The following MMP24 variants were observed in gnomAD, a reference collection of about 807,000 sequenced individuals.
The protein encoded by MMP24 is matrix metalloproteinase-24.
Under a neutral mutation model 62.8 loss-of-function variants are expected in MMP24, and 25 were observed. That is an observed-to-expected ratio of 0.40 (90% CI 0.29 to 0.56). The LOEUF is 0.56. Ranked by LOEUF, MMP24 falls within the 20% of genes least tolerant of loss-of-function variation. The pLI is 0.50. For missense variants in MMP24, 634 were observed against 853.6 expected (o/e 0.74, Z 3.21); for synonymous variants, 319 against 350.5 (o/e 0.91, Z 1.00).
At chr20:35,251,480 AG>A (rs1208143297) in intron 2 of MMP24, among the ~76,000 whole-genome samples, 3 of 152,140 alleles carry the variant, frequency 2.0e-5, no homozygotes, top group Admixed American at 1.3e-4. Context: ...GCTTTTAACC[AG>A]GGCATCCTGT....
intron 5 of MMP24, among the ~76,000 whole-genome samples, chr20:35,264,707 C>CA (rs57309455): frequency 0.069 from 3,021 of 43,602 alleles, 500 homozygotes; most frequent in Middle Eastern, 0.13. Flanking sequence ...GACTCCGTCT[C>CA]AAAAAAAAAA....
chr20:35,264,905 C>T (rs1294668106), intron 5 of MMP24, among the ~76,000 whole-genome samples: 1 of 152,082 alleles, frequency 6.6e-6, no homozygotes, highest in Non-Finnish European at 1.5e-5. Flanking sequence ...CTTGTCAAGA[C>T]AGCACAGGCA....
Position 35,226,916 on chromosome 20 carries a change from G to C in MMP24, c.178G>C (p.Gly60Arg). 1.0e-6 allele frequency: 1 copy of C among 981,060 alleles called. No homozygotes were observed. The highest frequency in any genetic ancestry group is 1.2e-6 in the Non-Finnish European group (1 of 828,728). 60.8% of individuals were successfully genotyped at this position (981,060 alleles called of 1,614,324 possible). A position where few individuals can be genotyped will look rare whatever the true frequency, so the allele number is the denominator to read the frequency against. Residue 60 changes from glycine to arginine, a missense_variant, in exon 1 of 9, where the codon GGG becomes CGG. Physicochemically the swap from Gly to Arg is moderately radical, Grantham distance 125. This residue lies in a region of MMP24 where 212 missense variants were observed against 259.6 expected (regional missense o/e 0.82). Transcript: ENST00000246186. ...ARAAAAAAGAGNRAAVAVAVA... is the reference protein window; with the variant it reads ...ARAAAAAAGARNRAAVAVAVA... ...GGCGGCGGCGGCGGCGGCGGGGGCA[G>C]GGAACCGGGCAGCGGTGGCGGTGGC...
chr20:35,238,272 T>C (rs1404209416), intron 1 of MMP24, among the ~76,000 whole-genome samples: 1 of 152,204 alleles, frequency 6.6e-6, no homozygotes, highest in Admixed American at 6.5e-5. Context: ...TGGCAGGCCC[T>C]GTGCTAGCTG....
At position 35,275,956 on chromosome 20, in the gene MMP24, C is replaced by A. The variant is rs1394299611; in HGVS notation, c.*1347C>A. 1 of 398,524 alleles carries A rather than the reference C, an allele frequency of 2.5e-6. No individual in the cohort carries two copies. The highest frequency in any genetic ancestry group is 2.1e-5 in the African/African-American group (1 of 48,628). 24.7% of individuals were successfully genotyped at this position (398,524 alleles called of 1,614,324 possible). A position where few individuals can be genotyped will look rare whatever the true frequency, so the allele number is the denominator to read the frequency against. ...TGGCCTGCCTTGCTCCACAGTACGG[C>A]GGAGGCAGCCCTGCTTGTCACTGAG... On this transcript the variant is annotated 3_prime_UTR_variant, in exon 9 of 9. Coordinates refer to ENST00000246186, the MANE Select transcript of MMP24 (RefSeq NM_006690.4).
At chr20:35,270,850 A>G (rs1219615766) in intron 7 of MMP24, among the ~76,000 whole-genome samples, 1 of 152,044 alleles carries the variant, frequency 6.6e-6, no homozygotes, top group African/African-American at 2.4e-5. Flanking sequence ...GACCAGCCTG[A>G]CCAACATGGT....
At chr20:35,242,267 G>C (rs1377995214) in intron 1 of MMP24, among the ~76,000 whole-genome samples, 4 of 152,080 alleles carry the variant, frequency 2.6e-5, no homozygotes, top group African/African-American at 9.7e-5. Context: ...GGGAGGCAGA[G>C]ATTGCAGTGA....
chr20:35,227,031 C>T, intron 1 of MMP24, 47 bp downstream of exon 1: 2 of 977,840 alleles, frequency 2.0e-6, no homozygotes, highest in Non-Finnish European at 2.4e-6. Flanking sequence ...GGCATCCGGG[C>T]AGGGCGGGGG....
intron 1 of MMP24, among the ~76,000 whole-genome samples, chr20:35,238,503 C>T (rs936545620): frequency 5.3e-5 from 8 of 152,064 alleles, no homozygotes; most frequent in East Asian, 1.9e-4. Flanking sequence ...AGGAACAATA[C>T]GTGTAAGGGC....
intron 4 of MMP24, among the ~76,000 whole-genome samples, chr20:35,259,312 C>T (rs751927140): frequency 6.6e-6 from 1 of 152,210 alleles, no homozygotes; most frequent in Non-Finnish European, 1.5e-5. Context: ...GCAGGTGGTC[C>T]GAGTATTTCC....
At chr20:35,233,373 T>C (rs1458142134) in intron 1 of MMP24, among the ~76,000 whole-genome samples, 1 of 152,096 alleles carries the variant, frequency 6.6e-6, no homozygotes, top group Non-Finnish European at 1.5e-5. Flanking sequence ...TGAACTACTG[T>C]ACTCCAGCCA....
At chr20:35,258,639 G>A (rs181345486) in intron 4 of MMP24, among the ~76,000 whole-genome samples, 99 of 152,068 alleles carry the variant, frequency 6.5e-4, no homozygotes, top group Non-Finnish European at 1.2e-3. Context: ...AATTTTTTTG[G>A]CAAGAATACT....
intron 7 of MMP24, 114 bp downstream of exon 7, chr20:35,270,012 T>C: frequency 3.8e-6 from 5 of 1,315,032 alleles, no homozygotes; most frequent in Non-Finnish European, 5.2e-6. Flanking sequence ...AGGGCCCCTC[T>C]AGTCTAACGG....
Position 35,274,723 on chromosome 20 carries a change from G to A in MMP24, c.*114G>A, listed in dbSNP as rs561198223. ...CAGGGCCAGCAGGGCCCTAGGCTGGGGTCGTACAGCTGAAGTGGTGGGTGC... is the reference window on the plus strand; with the variant it reads ...CAGGGCCAGCAGGGCCCTAGGCTGGAGTCGTACAGCTGAAGTGGTGGGTGC... On this transcript the variant is annotated 3_prime_UTR_variant, in exon 9 of 9. Coordinates refer to ENST00000246186, the MANE Select transcript of MMP24 (RefSeq NM_006690.4). This position sits in a 1 kb window ranked among gnomAD's most constrained non-coding sequence, Gnocchi z 5.1. The A allele has an allele frequency of 9.6e-6, 9 of 941,220 alleles. No homozygotes were observed. In the African/African-American group the frequency reaches 1.5e-4, roughly 16 times the overall value. 58.3% of individuals were successfully genotyped at this position (941,220 alleles called of 1,614,324 possible).
chr20:35,231,846 G>A (rs1471753294), intron 1 of MMP24, among the ~76,000 whole-genome samples: 4 of 152,182 alleles, frequency 2.6e-5, no homozygotes, highest in African/African-American at 9.7e-5. Flanking sequence ...GAGGTCAGGA[G>A]TTTGAGACTA....
chr20:35,252,025 C>T lies in MMP24; in HGVS notation c.512+4C>T. ...GGCAAAAACACATCACCTACAGGTG[C>T]TTCGACTCTCCCTCTTCCTCCCTGC... On this transcript the variant is annotated splice_donor_region_variant and intron_variant, in intron 3 of 8. Coordinates refer to ENST00000246186, the MANE Select transcript of MMP24 (RefSeq NM_006690.4). 6.2e-7 allele frequency: 1 copy of T among 1,602,556 alleles called. No individual in the cohort carries two copies.
chr20:35,254,395 T>G, intron 3 of MMP24, 55 bp from the exon 4 acceptor site: 1 of 1,483,002 alleles, frequency 6.7e-7, no homozygotes. Context: ...CTATTTTAGC[T>G]CTGCTAGTCT....
chr20:35,258,031 ACTT>A (rs1235098121), intron 4 of MMP24, among the ~76,000 whole-genome samples: 1 of 152,150 alleles, frequency 6.6e-6, no homozygotes, highest in Non-Finnish European at 1.5e-5. Flanking sequence ...TTATTAGCTT[ACTT>A]CTTTTTTCTA....
At chr20:35,240,186 T>C (rs2060483059) in intron 1 of MMP24, among the ~76,000 whole-genome samples, 1 of 152,150 alleles carries the variant, frequency 6.6e-6, no homozygotes, top group African/African-American at 2.4e-5. Context: ...CTCTCTTCCC[T>C]CTTCTGTGCA....
Sources: allele counts gnomAD v4.1 joint callset (sites outside exome capture counted in the v4.1 genomes callset), GRCh38; gene constraint gnomAD v4.1.1; regional missense constraint gnomAD v4.1.1; non-coding constraint Gnocchi (gnomAD v3.1); transcripts MANE v1.5; gene names NCBI Gene and HGNC (gene_info 2026-07-23, HGNC 2026-07-21).